Variants in KLK8 observed in about 807,000 individuals in gnomAD.
KLK8 encodes kallikrein-8.
In KLK8, 18 loss-of-function variants were observed where a neutral mutation model predicts 26.7. The observed-to-expected ratio is 0.67, with a 90% CI of 0.47 to 1.00. The LOEUF (loss-of-function observed/expected upper bound fraction) is 1.00. Ranked by LOEUF, KLK8 falls within the 50% of genes least tolerant of loss-of-function variation. The probability of loss-of-function intolerance (pLI) is 0.00; values close to 1 mark genes in which losing one functional copy is unlikely to be tolerated. For missense variants in KLK8, 301 were observed against 331.7 expected (o/e 0.91, Z 0.72); for synonymous variants, 137 against 127.1 (o/e 1.08, Z -0.52).
intron 4 of KLK8, 77 bp downstream of exon 3, chr19:51,000,347 C>A: frequency 6.5e-7 from 1 of 1,545,296 alleles, no homozygotes; most frequent in South Asian, 1.2e-5. Flanking sequence ...GTCCTCAGCT[C>A]TCTCCTTCCT....
chr19:50,999,267 C>G (rs1266151826), intron 5 of KLK8: 1 of 151,970 alleles, frequency 6.6e-6, no homozygotes, highest in East Asian at 1.9e-4. Flanking sequence ...TGACCAGGGC[C>G]CAGGTTTCCT....
chr19:51,000,974 G>T lies in KLK8; in HGVS notation c.70+124C>A, dbSNP rs2091218974. The T allele has an allele frequency of 5.2e-6, 5 of 960,576 alleles. No homozygotes were observed. In the East Asian group the frequency reaches 1.3e-4, roughly 25 times the overall value. The allele number at this position is 960,576 out of a possible 1,614,324, so 59.5% of individuals were successfully genotyped here. On this transcript the variant is annotated intron_variant, in intron 3 of 6. Coordinates refer to ENST00000600767, the Ensembl canonical transcript of KLK8. ...GAAAGCCCACAGAGGCTCCTGCACCGTATCGCACTCTTCACATCCGTGCAC... is the reference window on the plus strand; with the variant it reads ...GAAAGCCCACAGAGGCTCCTGCACCTTATCGCACTCTTCACATCCGTGCAC...
intron 2 of KLK8, 139 bp downstream of exon 1, chr19:51,001,390 ACTC>A (rs2091225319): frequency 1.8e-6 from 1 of 549,802 alleles, no homozygotes; most frequent in Non-Finnish European, 3.3e-6. Flanking sequence ...GGGAGCTGGG[ACTC>A]CTAAATTAGG....
intron 6 of KLK8, 51 bp downstream of exon 5, chr19:50,997,700 C>G (rs368855240): frequency 3.7e-6 from 6 of 1,604,802 alleles, no homozygotes; most frequent in Non-Finnish European, 5.1e-6. Flanking sequence ...CCTTGAACCT[C>G]GAGAGGGCAA....
At chr19:50,997,137 G>A (rs918887012) in intron 6 of KLK8, among the ~76,000 whole-genome samples, 2 of 152,104 alleles carry the variant, frequency 1.3e-5, no homozygotes, top group African/African-American at 4.8e-5. Flanking sequence ...CAAAGCCAGG[G>A]GAAAGTGCTA....
At position 51,000,280 on chromosome 19, in the gene KLK8, G is replaced by C. The variant is rs758993162; in HGVS notation, c.231-22C>G. The C allele has an allele frequency of 3.8e-6, 6 of 1,559,120 alleles. No homozygotes were observed. The South Asian group carries it at 7.2e-5, about 19-fold the overall frequency. Reference sequence around the variant, plus strand: ...TTTCCTGTAATGGTGGGGATAGTTTGGGACCCAGGCAGGGGTATTGCCCCC... The same window carrying C: ...TTTCCTGTAATGGTGGGGATAGTTTCGGACCCAGGCAGGGGTATTGCCCCC... On this transcript the variant is annotated intron_variant, in intron 4 of 6. Transcript: ENST00000600767.
intron 6 of KLK8, among the ~76,000 whole-genome samples, chr19:50,996,562 G>A (rs900476481): frequency 6.6e-6 from 1 of 151,930 alleles, no homozygotes; most frequent in East Asian, 1.9e-4. Flanking sequence ...GTGAATCCCT[G>A]TCTCTACTAA....
At chr19:51,001,567 C>A (rs1394676160) in exon 2 of KLK8, 1 of 185,266 alleles carries the variant, frequency 5.4e-6, no homozygotes, top group East Asian at 1.5e-4. Flanking sequence ...CCTACTGATT[C>A]GGACCCAGTG....
rs56988162 is a variant in KLK8 at position 50,999,583 on chromosome 19, C to CAAAAAAAAAAA, written c.493+402_493+412dup. 5.5e-3 allele frequency among the ~76,000 whole-genome samples: 167 copies of CAAAAAAAAAAA among 30,292 alleles called. 53 individuals are homozygous for CAAAAAAAAAAA. Among genetic ancestry groups the CAAAAAAAAAAA allele is most frequent in the East Asian group, 9.0e-3 (3 of 334 alleles). 19.9% of individuals were successfully genotyped at this position (30,292 alleles called of 152,430 possible). A position where few individuals can be genotyped will look rare whatever the true frequency, so the allele number is the denominator to read the frequency against. On this transcript the variant is annotated intron_variant, in intron 5 of 6. Transcript: ENST00000600767. ...GATTGAGTGAAACTGTGTCCCCCTG[C>CAAAAAAAAAAA]AAAAAAAAAAAAAAAAAAAAAAAAA...
At chr19:51,000,714 A>G in intron 3 of KLK8, 131 bp from the exon 3 acceptor site, 1 of 1,531,046 alleles carries the variant, frequency 6.5e-7, no homozygotes, top group Non-Finnish European at 8.8e-7. Context: ...CCAGGCTTCC[A>G]CACGCTGCCA....
rs2091201314 is a variant in KLK8 at position 50,999,598 on chromosome 19, A to AAAAAAAAAG, written c.493+397_493+398insCTTTTTTTT. On this transcript the variant is annotated intron_variant, in intron 5 of 6. Transcript: ENST00000600767. ...TGTCCCCCTGCAAAAAAAAAAAAAAAAAAAAAAAAAAAAAAAAAAAAAAAA... is the reference window on the plus strand; with the variant it reads ...TGTCCCCCTGCAAAAAAAAAAAAAAAAAAAAAAAGAAAAAAAAAAAAAAAAAAAAAAAAA... Among the ~76,000 whole-genome samples, 6 of 103,578 alleles carry AAAAAAAAAG rather than the reference A, an allele frequency of 5.8e-5. 1 individual carries two copies. The highest frequency in any genetic ancestry group is 2.2e-4 in the African/African-American group (4 of 18,486). 68.0% of individuals were successfully genotyped at this position (103,578 alleles called of 152,430 possible).
Position 50,999,990 on chromosome 19 carries a change from C to T in KLK8, c.493+6G>A, listed in dbSNP as rs1343438317. 3 of 1,585,406 alleles carry T rather than the reference C, an allele frequency of 1.9e-6. No individual in the cohort carries two copies. Among genetic ancestry groups the T allele is most frequent in the South Asian group, 2.2e-5 (2 of 89,272 alleles). ...TCTCCCTCCCATTAGTGGACAAGCC[C>T]ACTACCTCGGGGACTGGTGACAGTG... On this transcript the variant is annotated splice_donor_region_variant and intron_variant, in intron 5 of 6. Coordinates refer to ENST00000600767, the Ensembl canonical transcript of KLK8.
Position 51,000,710 on chromosome 19 carries a change from T to A in KLK8, c.71-127A>T, listed in dbSNP as rs112716660. ...TACAACTTAGTGAGGAGGTCCAGGCTTCCACACGCTGCCACACGGGGACAC... is the reference window on the plus strand; with the variant it reads ...TACAACTTAGTGAGGAGGTCCAGGCATCCACACGCTGCCACACGGGGACAC... On this transcript the variant is annotated intron_variant, in intron 3 of 6. Coordinates refer to ENST00000600767, the Ensembl canonical transcript of KLK8. 460 of 1,536,362 alleles carry A rather than the reference T, an allele frequency of 3.0e-4. No homozygotes were observed. The African/African-American group carries it at 3.7e-3, about 12-fold the overall frequency.
intron 6 of KLK8, 81 bp from the exon 6 acceptor site, chr19:50,996,295 T>C: frequency 6.7e-7 from 1 of 1,495,902 alleles, no homozygotes; most frequent in South Asian, 1.2e-5. Flanking sequence ...GTTTTACCAG[T>C]TCTTTGGCAT....
Position 51,001,092 on chromosome 19 carries a change from C to A in KLK8, c.70+6G>T. ...CCCCTCCGGAGGCCTCCGCAACCCT[C>A]CTCACCTGCCCAGGCTCCCCCCAGC... is the stretch of plus-strand genomic sequence containing the variant. On this transcript the variant is annotated splice_donor_region_variant and intron_variant, in intron 3 of 6. Coordinates refer to ENST00000600767, the Ensembl canonical transcript of KLK8. The A allele has an allele frequency of 1.9e-6, 3 of 1,610,476 alleles. No individual in the cohort carries two copies. Among genetic ancestry groups the A allele is most frequent in the Non-Finnish European group, 2.5e-6 (3 of 1,178,864 alleles).
At chr19:51,000,066 C>T (rs2091207075) in exon 5 of KLK8, 1 of 1,613,844 alleles carries the variant, frequency 6.2e-7, no homozygotes, top group Non-Finnish European at 8.5e-7. Flanking sequence ...AATGATCTGC[C>T]AGGCTGATGG....
exon 4 of KLK8, chr19:51,000,555 C>T: frequency 6.2e-7 from 1 of 1,614,128 alleles, no homozygotes; most frequent in Non-Finnish European, 8.5e-7. Flanking sequence ...GACCCCCCAG[C>T]ACCTTGTCCT....
intron 3 of KLK8, 136 bp from the exon 3 acceptor site, chr19:51,000,719 C>T: frequency 3.3e-6 from 5 of 1,531,310 alleles, no homozygotes; most frequent in Non-Finnish European, 4.4e-6. Context: ...CTTCCACACG[C>T]TGCCACACGG....
At chr19:50,997,564 A>G (rs1701914) in intron 6 of KLK8, among the ~76,000 whole-genome samples, 187 bp downstream of exon 5, 73,743 of 151,646 alleles carry the variant, frequency 0.49, 18,785 homozygotes, top group African/African-American at 0.63. Context: ...ATCCCTATGC[A>G]GTGTGACTTT....
Sources: gnomAD v4.1 joint callset for allele counts (sites outside exome capture counted in the v4.1 genomes callset) on GRCh38, gnomAD v4.1.1 for gene constraint, MANE v1.5 for transcripts, NCBI Gene and HGNC (gene_info 2026-07-23, HGNC 2026-07-21) for gene names.